GABBR2: variants seen among roughly 807,000 people sequenced by gnomAD.
GABBR2 encodes the protein gamma-aminobutyric acid type B receptor subunit 2.
A neutral mutation model predicts 105.6 loss-of-function variants in GABBR2; 23 were observed. That is an observed-to-expected ratio of 0.22 (90% CI 0.16 to 0.31). The LOEUF (loss-of-function observed/expected upper bound fraction) is 0.31. Ranked by LOEUF, GABBR2 falls within the 10% of genes least tolerant of loss-of-function variation. The pLI, the probability that GABBR2 is intolerant of heterozygous loss-of-function variation, is 1.00. For missense variants in GABBR2, 734 were observed against 1,245.5 expected (o/e 0.59, Z 6.18); for synonymous variants, 478 against 499.7 (o/e 0.96, Z 0.58).
At chr9:98,607,540 A>C in intron 1 of GABBR2, 1 of 630,112 alleles carries the variant, frequency 1.6e-6, no homozygotes, top group South Asian at 2.2e-5. Flanking sequence ...TGTTAAAAAG[A>C]TAAAGGACCA....
chr9:98,539,366 G>A lies in GABBR2; in HGVS notation c.630+2507C>T, dbSNP rs186319774. Among the ~76,000 whole-genome samples, 571 of 152,308 alleles carry A rather than the reference G, an allele frequency of 3.7e-3. 1 individual carries two copies. Among genetic ancestry groups the A allele is most frequent in the Admixed American group, 6.7e-3 (102 of 15,294 alleles). ...TTTCAAACCTCTTAGGCTATATGCAGGTAGTTCCTATGCAATTCCAGGAAG... is the reference window on the plus strand; with the variant it reads ...TTTCAAACCTCTTAGGCTATATGCAAGTAGTTCCTATGCAATTCCAGGAAG... On this transcript the variant is annotated intron_variant, in intron 3 of 18. Coordinates refer to ENST00000259455, the MANE Select transcript of GABBR2 (RefSeq NM_005458.8).
In GABBR2 at chr9:98,299,368, T is replaced by TG; in HGVS notation, c.2413-16_2413-15insC. The TG allele has an allele frequency of 6.2e-7, 1 of 1,613,786 alleles. No homozygotes were observed. Among genetic ancestry groups the TG allele is most frequent in the Non-Finnish European group, 8.5e-7 (1 of 1,179,970 alleles). On this transcript the variant is annotated splice_polypyrimidine_tract_variant and intron_variant, in intron 16 of 18. Coordinates refer to ENST00000259455, the MANE Select transcript of GABBR2 (RefSeq NM_005458.8). ...TCTTTATCCAGCTACAAGACAAAGGTTCCAGTTGAGTCAGGTCCCTGGCCC... is the reference window on the plus strand; with the variant it reads ...TCTTTATCCAGCTACAAGACAAAGGTGTCCAGTTGAGTCAGGTCCCTGGCCC...
At chr9:98,613,139 A>G (rs1320460545) in intron 1 of GABBR2, among the ~76,000 whole-genome samples, 1 of 152,178 alleles carries the variant, frequency 6.6e-6, no homozygotes, top group East Asian at 1.9e-4. Context: ...CTCTCCTACC[A>G]TCAAAAGGTG....
chr9:98,505,182 G>A (rs924038951), intron 3 of GABBR2, among the ~76,000 whole-genome samples: 2 of 152,258 alleles, frequency 1.3e-5, no homozygotes, highest in South Asian at 4.1e-4. Context: ...TCCATGTGGT[G>A]TATTTCTGCC....
At position 98,616,385 on chromosome 9, in the gene GABBR2, A is replaced by G. The variant is rs182811629; in HGVS notation, c.322-38313T>C. On this transcript the variant is annotated intron_variant, in intron 1 of 18. Transcript: ENST00000259455. ...AACCAAAGATAATACAACTGGTAAG[A>G]AAAGTACACAACACAAGTGCAGCTA... 1.1e-3 allele frequency among the ~76,000 whole-genome samples: 172 copies of G among 152,326 alleles called. 1 individual carries two copies. The East Asian group carries it at 0.016, about 14-fold the overall frequency.
At chr9:98,525,198 A>C (rs900517539) in intron 3 of GABBR2, among the ~76,000 whole-genome samples, 1 of 152,122 alleles carries the variant, frequency 6.6e-6, no homozygotes, top group Non-Finnish European at 1.5e-5. Flanking sequence ...GTGCAAAAAA[A>C]CACCATTAAG....
intron 9 of GABBR2, among the ~76,000 whole-genome samples, chr9:98,390,728 G>A (rs1832164823): frequency 1.3e-5 from 2 of 152,098 alleles, no homozygotes; most frequent in African/African-American, 4.8e-5. Flanking sequence ...TGCAAGAACA[G>A]TGCTGGGGCA....
At chr9:98,595,663 A>T (rs186986100) in intron 1 of GABBR2, among the ~76,000 whole-genome samples, 12 of 106,224 alleles carry the variant, frequency 1.1e-4, no homozygotes, top group Admixed American at 1.1e-3. Flanking sequence ...ACTTTACAAA[A>T]AAACAAAAAC....
chr9:98,405,748 A>G (rs961079442), intron 8 of GABBR2, among the ~76,000 whole-genome samples: 5 of 152,140 alleles, frequency 3.3e-5, no homozygotes, highest in Non-Finnish European at 7.4e-5. Flanking sequence ...GTTATACTCT[A>G]TTGTTTAGGG....
At chr9:98,526,523 T>C (rs1425638918) in intron 3 of GABBR2, among the ~76,000 whole-genome samples, 1 of 152,206 alleles carries the variant, frequency 6.6e-6, no homozygotes, top group East Asian at 1.9e-4. Flanking sequence ...GATTTCCTAC[T>C]CCCTTAACTC....
intron 2 of GABBR2, among the ~76,000 whole-genome samples, chr9:98,551,619 G>A (rs896403968): frequency 6.6e-6 from 1 of 152,160 alleles, no homozygotes; most frequent in African/African-American, 2.4e-5. Context: ...TGGGAAGAGA[G>A]CCATGAGCAT....
chr9:98,559,162 C>A (rs544275666), intron 2 of GABBR2, among the ~76,000 whole-genome samples: 2 of 152,134 alleles, frequency 1.3e-5, no homozygotes, highest in South Asian at 2.1e-4. Context: ...CAGGGTCTCA[C>A]TCTGTTGCCC....
At chr9:98,623,151 G>A (rs755664242) in intron 1 of GABBR2, among the ~76,000 whole-genome samples, 4 of 152,200 alleles carry the variant, frequency 2.6e-5, no homozygotes, top group Non-Finnish European at 4.4e-5. Context: ...CAGGCGGGGC[G>A]CGGTGGCTCA....
intron 4 of GABBR2, among the ~76,000 whole-genome samples, chr9:98,484,972 TG>T (rs1383433887): frequency 6.6e-6 from 1 of 152,142 alleles, no homozygotes; most frequent in Non-Finnish European, 1.5e-5. Flanking sequence ...TGAAAGGGCT[TG>T]GGGCAGTTTA....
At chr9:98,617,120 T>A (rs1271328265) in intron 1 of GABBR2, among the ~76,000 whole-genome samples, 1 of 152,192 alleles carries the variant, frequency 6.6e-6, no homozygotes, top group Non-Finnish European at 1.5e-5. Flanking sequence ...TTTAAATAAC[T>A]TCCCAATCCA....
At chr9:98,353,280 G>A (rs1329731640) in intron 13 of GABBR2, among the ~76,000 whole-genome samples, 1 of 152,178 alleles carries the variant, frequency 6.6e-6, no homozygotes, top group East Asian at 1.9e-4. Flanking sequence ...CAGCAATCCA[G>A]TCACATCTTT....
intron 13 of GABBR2, among the ~76,000 whole-genome samples, chr9:98,335,735 G>T (rs1255531627): frequency 6.6e-6 from 1 of 152,064 alleles, no homozygotes; most frequent in Non-Finnish European, 1.5e-5. Context: ...TTTCTTTTTA[G>T]TATCAACATA....
At chr9:98,596,544 GC>G (rs1391415758) in intron 1 of GABBR2, among the ~76,000 whole-genome samples, 3 of 152,044 alleles carry the variant, frequency 2.0e-5, no homozygotes, top group Admixed American at 1.3e-4. Flanking sequence ...TATCCTCAAA[GC>G]CCCCCTCCCA....
At chr9:98,436,936 C>T (rs1228476557) in intron 7 of GABBR2, among the ~76,000 whole-genome samples, 3 of 152,020 alleles carry the variant, frequency 2.0e-5, no homozygotes, top group Admixed American at 6.5e-5. Context: ...TCACATGGGT[C>T]GGTGTGATAC....
Sources: gnomAD v4.1 joint callset for allele counts (sites outside exome capture counted in the v4.1 genomes callset) on GRCh38, gnomAD v4.1.1 for gene constraint, MANE v1.5 for transcripts, NCBI Gene and HGNC (gene_info 2026-07-23, HGNC 2026-07-21) for gene names.